RELN: variants seen among roughly 807,000 people sequenced by gnomAD.
RELN encodes the protein reelin.
In RELN, 108 loss-of-function variants were observed where a neutral mutation model predicts 427.6. That is an observed-to-expected ratio of 0.25 (90% confidence interval 0.22 to 0.30). The LOEUF (loss-of-function observed/expected upper bound fraction) is 0.30. Ranked by LOEUF, RELN falls within the 10% of genes least tolerant of loss-of-function variation. The pLI is 1.00. For synonymous variants in RELN, 1,524 were observed against 1,513.4 expected (o/e 1.01, Z -0.16); for missense variants, 3,715 against 4,302.8 (o/e 0.86, Z 3.82).
At position 103,498,142 on chromosome 7, in the gene RELN, T is replaced by A; in HGVS notation, c.8778A>T (p.Ala2926=). The A allele has an allele frequency of 6.2e-7, 1 of 1,614,060 alleles. No homozygotes were observed. Among genetic ancestry groups the A allele is most frequent in the Non-Finnish European group, 8.5e-7 (1 of 1,180,006 alleles). ...TECGILAEDT[A]LYFGGSTVRQ... is the part of the protein sequence containing the mutation. ...TCACAGTGGATCCCCCAAAATAGAG[T>A]GCAGTGTCCTCGGCAAGAATTCCAC... Residue 2926 remains alanine, a synonymous_variant, in exon 54 of 65, where the codon GCA becomes GCT. Coordinates refer to ENST00000428762, the MANE Select transcript of RELN (RefSeq NM_005045.4).
chr7:103,872,208 C>T (rs1005455084), intron 2 of RELN, among the ~76,000 whole-genome samples: 1 of 91,422 alleles, frequency 1.1e-5, no homozygotes, highest in Non-Finnish European at 2.1e-5. Context: ...TGCTATCCCT[C>T]CCCCCTCCCC....
intron 2 of RELN, among the ~76,000 whole-genome samples, chr7:103,907,178 G>A (rs887178346): frequency 2.6e-5 from 4 of 151,018 alleles, no homozygotes; most frequent in Admixed American, 2.6e-4. Context: ...AACACCTTGG[G>A]AGGCCGAGGC....
chr7:103,596,970 CCTTA>C (rs1304603463), intron 24 of RELN, among the ~76,000 whole-genome samples: 2 of 152,136 alleles, frequency 1.3e-5, no homozygotes, highest in Non-Finnish European at 2.9e-5. Flanking sequence ...CACTCTGAAT[CCTTA>C]CTTTGCATAT....
At chr7:103,538,750 G>A (rs1374045528) in intron 45 of RELN, among the ~76,000 whole-genome samples, 4 of 152,054 alleles carry the variant, frequency 2.6e-5, no homozygotes, top group African/African-American at 9.7e-5. Context: ...GAAAAATACT[G>A]CAAGTGTATC....
At position 103,498,169 on chromosome 7, in the gene RELN, C is replaced by T; in HGVS notation, c.8751G>A (p.Glu2917=). Residue 2917 remains glutamate, a synonymous_variant, in exon 54 of 65, where the codon GAG becomes GAA. Transcript: ENST00000428762. ...CAGTGTCCTCGGCAAGAATTCCACA[C>T]TCAGTGCAAGTACTTCCACCTTCTA... is the stretch of plus-strand genomic sequence containing the variant. ...MSLEGGSTCT[E]CGILAEDTAL... 1 of 1,614,030 alleles carries T rather than the reference C, an allele frequency of 6.2e-7. No individual in the cohort carries two copies. The highest frequency in any genetic ancestry group is 2.2e-5 in the East Asian group (1 of 44,874).
At chr7:103,483,911 G>T (rs1167586453) in intron 61 of RELN, 61 bp from the exon 62 acceptor site, 1 of 1,497,470 alleles carries the variant, frequency 6.7e-7, no homozygotes, top group Non-Finnish European at 9.1e-7. Flanking sequence ...ATGGAGTCTT[G>T]CTCTGTCACC....
chr7:103,886,220 G>C (rs1794723190), intron 2 of RELN, among the ~76,000 whole-genome samples: 1 of 152,082 alleles, frequency 6.6e-6, no homozygotes, highest in African/African-American at 2.4e-5. Flanking sequence ...AACCTACATT[G>C]GGACCCCATC....
chr7:103,888,841 C>T (rs1013390219), intron 2 of RELN, among the ~76,000 whole-genome samples: 2 of 152,194 alleles, frequency 1.3e-5, no homozygotes, highest in East Asian at 1.9e-4. Flanking sequence ...CACTGCGAGG[C>T]AGCACTCCGT....
chr7:103,892,060 C>T (rs556838416), intron 2 of RELN, among the ~76,000 whole-genome samples: 28 of 152,304 alleles, frequency 1.8e-4, no homozygotes, highest in African/African-American at 4.6e-4. Flanking sequence ...TTCCCCTACT[C>T]CAACGTATTC....
At chr7:103,664,921 C>A (rs73406740) in intron 11 of RELN, among the ~76,000 whole-genome samples, 1,576 of 151,888 alleles carry the variant, frequency 0.01, 32 homozygotes, top group African/African-American at 0.036. Flanking sequence ...GTTTATGTGT[C>A]GTTGGATGTA....
In RELN at chr7:103,579,602, A is replaced by C. The variant is rs79235372; in HGVS notation, c.4146-3897T>G. Among the ~76,000 whole-genome samples the C allele has an allele frequency of 7.7e-3, 1,109 of 144,444 alleles. 15 individuals are homozygous for C. Among genetic ancestry groups the C allele is most frequent in the African/African-American group, 0.029 (1,047 of 35,936 alleles). 94.8% of individuals were successfully genotyped at this position (144,444 alleles called of 152,430 possible). A position where few individuals can be genotyped will look rare whatever the true frequency, so the allele number is the denominator to read the frequency against. On this transcript the variant is annotated intron_variant, in intron 28 of 64. Coordinates refer to ENST00000428762, the MANE Select transcript of RELN (RefSeq NM_005045.4). Reference sequence around the variant, plus strand: ...TGACAAAGTAAGACTCCATCTCCAAAAAAAAAAAAAAAAAAGTACGTCACA... The same window carrying C: ...TGACAAAGTAAGACTCCATCTCCAACAAAAAAAAAAAAAAAGTACGTCACA...
At chr7:103,965,308 A>G (rs1002062906) in intron 1 of RELN, among the ~76,000 whole-genome samples, 1 of 152,240 alleles carries the variant, frequency 6.6e-6, no homozygotes, top group African/African-American at 2.4e-5. Context: ...TTAATATATC[A>G]CAATAAATGC....
intron 28 of RELN, among the ~76,000 whole-genome samples, chr7:103,587,069 A>T (rs957610811): frequency 6.6e-6 from 1 of 152,198 alleles, no homozygotes; most frequent in Non-Finnish European, 1.5e-5. Flanking sequence ...GAGTCTGAAG[A>T]GCCAAAGCAA....
At chr7:103,506,492 T>C (rs1829215942) in intron 51 of RELN, among the ~76,000 whole-genome samples, 1 of 152,152 alleles carries the variant, frequency 6.6e-6, no homozygotes, top group South Asian at 2.1e-4. Context: ...ATAAAATCCT[T>C]TACAGACAAG....
At chr7:103,559,837 C>T (rs35243470) in intron 36 of RELN, among the ~76,000 whole-genome samples, 41,063 of 152,102 alleles carry the variant, frequency 0.27, 5,828 homozygotes, top group African/African-American at 0.34. Flanking sequence ...TTGAGATAGA[C>T]AGTTGATAGA....
chr7:103,722,736 G>A (rs1790108935), intron 8 of RELN, among the ~76,000 whole-genome samples: 1 of 152,030 alleles, frequency 6.6e-6, no homozygotes, highest in Admixed American at 6.6e-5. Context: ...GCCTTAATTG[G>A]TTTCTTTCGG....
At chr7:103,972,582 T>A (rs1796785840) in intron 1 of RELN, among the ~76,000 whole-genome samples, 1 of 152,124 alleles carries the variant, frequency 6.6e-6, no homozygotes, top group Non-Finnish European at 1.5e-5. Flanking sequence ...TCACAATGAC[T>A]GGCGTTGGCC....
At chr7:103,646,043 T>C (rs1447974806) in intron 16 of RELN, among the ~76,000 whole-genome samples, 3 of 151,768 alleles carry the variant, frequency 2.0e-5, no homozygotes, top group African/African-American at 4.8e-5. Context: ...TTTGAGTTAA[T>C]GACAAAATGA....
chr7:103,859,321 T>G (rs1356123153), intron 2 of RELN, among the ~76,000 whole-genome samples: 1 of 152,028 alleles, frequency 6.6e-6, no homozygotes, highest in Non-Finnish European at 1.5e-5. Context: ...TGGGACAGAG[T>G]CTCACTCTGT....
Sources: gnomAD v4.1 joint callset for allele counts (sites outside exome capture counted in the v4.1 genomes callset) on GRCh38, gnomAD v4.1.1 for gene constraint, MANE v1.5 for transcripts, NCBI Gene and HGNC (gene_info 2026-07-23, HGNC 2026-07-21) for gene names.